The following CHM variants were observed in gnomAD, a reference collection of about 807,000 sequenced individuals.
CHM encodes CHM Rab escort protein.
CHM carries 10 observed loss-of-function variants against 49.0 expected under a neutral mutation model. That is an observed-to-expected ratio of 0.20 (90% CI 0.13 to 0.35). The LOEUF is 0.35. CHM is among the 10% of genes least tolerant of loss of function. The pLI is 1.00. For synonymous variants in CHM, 184 were observed against 167.5 expected, an observed-to-expected ratio of 1.10 and a Z score of -0.76; for missense variants, 455 against 478.4, an observed-to-expected ratio of 0.95 and a Z score of 0.46.
In CHM at chrX:85,863,735, A is replaced by C. The variant is rs1309677992; in HGVS notation, c.*895T>G. 2.7e-5 allele frequency: 3 copies of C among 112,234 alleles called. No homozygotes were observed. The highest frequency in any genetic ancestry group is 3.8e-5 in the Non-Finnish European group (2 of 53,238). 9.2% of individuals were successfully genotyped at this position (112,234 alleles called of 1,213,427 possible). A position where few individuals can be genotyped will look rare whatever the true frequency, so the allele number is the denominator to read the frequency against. On this transcript the variant is annotated 3_prime_UTR_variant, in exon 15 of 15. Transcript: ENST00000357749. The stretch of plus-strand genomic sequence containing the variant: ...AATTTTCTTCTGGCAAACCGATTCT[A>C]AACATGGCATTGCATTGTCTTCATA...
At chrX:85,889,847 C>T (rs1051041535) in intron 12 of CHM, among the ~76,000 whole-genome samples, 6 of 112,289 alleles carry the variant, frequency 5.3e-5, no homozygotes, top group African/African-American at 1.3e-4. Context: ...GGTACATATA[C>T]AGCATGGGAT....
At chrX:85,987,528 G>A (rs774368641) in intron 2 of CHM, among the ~76,000 whole-genome samples, 1 of 112,229 alleles carries the variant, frequency 8.9e-6, no homozygotes, top group Non-Finnish European at 1.9e-5. Flanking sequence ...AACCAAGAAT[G>A]TCAATGAAGA....
At chrX:85,925,264 G>A (rs371264347) in intron 8 of CHM, among the ~76,000 whole-genome samples, 38 of 111,058 alleles carry the variant, frequency 3.4e-4, no homozygotes, top group South Asian at 2.3e-3. Flanking sequence ...CAGAACCACC[G>A]AACCAACTCA....
rs1268332842 is a variant in CHM, at chrX:85,971,552, C to G, written c.314+7215G>C. ...GCAGGAGTGAAGCTGCAGATCTTCG[C>G]GGTGAGTGTTACAGCTCATAAAAGC... On this transcript the variant is annotated intron_variant, in intron 4 of 14. Coordinates refer to ENST00000357749, the MANE Select transcript of CHM (RefSeq NM_000390.4). The G allele has an allele frequency of 2.1e-5, 6 of 286,135 alleles. No individual in the cohort carries two copies. The East Asian group carries it at 8.1e-4, about 39-fold the overall frequency. 23.6% of individuals were successfully genotyped at this position (286,135 alleles called of 1,213,427 possible).
chrX:85,931,334 G>A (rs1172261757), intron 8 of CHM, among the ~76,000 whole-genome samples: 2 of 110,634 alleles, frequency 1.8e-5, no homozygotes, highest in Non-Finnish European at 3.8e-5. Context: ...TAAACAGAAC[G>A]CTATCCTTAC....
At chrX:85,880,340 G>A (rs1186959080) in intron 12 of CHM, among the ~76,000 whole-genome samples, 1 of 111,211 alleles carries the variant, frequency 9.0e-6, no homozygotes, top group Admixed American at 9.6e-5. Context: ...TTCAAATGCT[G>A]TATAGCATTA....
chrX:86,007,512 C>T (rs1377742932), intron 2 of CHM, among the ~76,000 whole-genome samples: 6 of 111,801 alleles, frequency 5.4e-5, no homozygotes, highest in African/African-American at 2.0e-4. Flanking sequence ...ATCTACCCAT[C>T]TGACAAAGGG....
chrX:85,922,556 C>T (rs1927856071), intron 8 of CHM, among the ~76,000 whole-genome samples: 1 of 112,704 alleles, frequency 8.9e-6, no homozygotes, highest in Admixed American at 9.4e-5. Context: ...AAACAGAATG[C>T]TTCCTCAAGA....
chrX:85,961,050 A>G (rs1200768061), intron 5 of CHM, among the ~76,000 whole-genome samples: 2 of 111,486 alleles, frequency 1.8e-5, no homozygotes, highest in East Asian at 5.6e-4. Flanking sequence ...GTATTTAATT[A>G]TATCATGATG....
intron 1 of CHM, among the ~76,000 whole-genome samples, chrX:86,038,046 G>A (rs1934317005): frequency 8.9e-6 from 1 of 111,937 alleles, no homozygotes; most frequent in African/African-American, 3.3e-5. Context: ...TATGTACCTT[G>A]GGATTGTGAA....
At chrX:85,889,065 A>G (rs1485851883) in intron 12 of CHM, among the ~76,000 whole-genome samples, 1 of 112,159 alleles carries the variant, frequency 8.9e-6, no homozygotes, top group African/African-American at 3.2e-5. Flanking sequence ...ATATCTTCCA[A>G]ATTATCAACA....
intron 8 of CHM, among the ~76,000 whole-genome samples, chrX:85,923,158 A>G (rs1927889906): frequency 8.9e-6 from 1 of 112,202 alleles, no homozygotes; most frequent in South Asian, 3.7e-4. Flanking sequence ...GATTCCTCCC[A>G]CTTACCAGCT....
chrX:85,970,727 A>G (rs1282051396), intron 4 of CHM: 1 of 134,728 alleles, frequency 7.4e-6, no homozygotes, highest in Non-Finnish European at 1.4e-5. Flanking sequence ...TCCCTTCCAT[A>G]ACTCGATTGT....
intron 14 of CHM, among the ~76,000 whole-genome samples, chrX:85,866,000 T>C (rs946960437): frequency 1.8e-5 from 2 of 112,206 alleles, no homozygotes; most frequent in Non-Finnish European, 3.8e-5. Flanking sequence ...AGCATAAAGG[T>C]TTGGAAAATT....
At chrX:86,008,611 A>G (rs1228947623) in intron 2 of CHM, among the ~76,000 whole-genome samples, 1 of 111,917 alleles carries the variant, frequency 8.9e-6, no homozygotes, top group Non-Finnish European at 1.9e-5. Flanking sequence ...CTTAATAAAC[A>G]GCTATTGTAC....
At chrX:85,870,960 TAAG>T (rs1924017358) in intron 14 of CHM, among the ~76,000 whole-genome samples, 1 of 110,551 alleles carries the variant, frequency 9.0e-6, no homozygotes, top group African/African-American at 3.3e-5. Context: ...ATTTTACAAA[TAAG>T]AAAAGATGTA....
At chrX:85,979,004 C>T in intron 3 of CHM, 113 bp from the exon 4 acceptor site, 3 of 810,447 alleles carry the variant, frequency 3.7e-6, no homozygotes, top group Non-Finnish European at 5.2e-6. Flanking sequence ...CTTACCAAAA[C>T]TCAAAGGATA....
chrX:85,948,932 TTTA>T (rs1213554476), intron 8 of CHM, among the ~76,000 whole-genome samples: 3 of 111,954 alleles, frequency 2.7e-5, no homozygotes, highest in Non-Finnish European at 5.6e-5. Context: ...GAAATGCATG[TTTA>T]TTATAATTCA....
chrX:85,900,682 T>A lies in CHM; in HGVS notation c.1377A>T (p.Thr459=), dbSNP rs1171424639. 2 of 1,190,061 alleles carry A rather than the reference T, an allele frequency of 1.7e-6. No homozygotes were observed. The highest frequency in any genetic ancestry group is 2.3e-6 in the Non-Finnish European group (2 of 877,047). The change falls in exon 11 of 15, where the codon ACA becomes ACT. Residue 459 remains threonine (T), a synonymous_variant. Transcript: ENST00000357749. ...YRQISRAVLI[T]DRSVLKTDSD... is the part of the protein sequence containing the mutation. ...AATCTGTTTTTAGGACAGATCTATC[T>A]GTAATCAGCACTGCCCTGGAGATCT...
Sources: gnomAD v4.1 joint callset for allele counts (sites outside exome capture counted in the v4.1 genomes callset) on GRCh38, gnomAD v4.1.1 for gene constraint, MANE v1.5 for transcripts, NCBI Gene and HGNC (gene_info 2026-07-23, HGNC 2026-07-21) for gene names.